Variants in FAM110D observed in about 807,000 individuals in gnomAD.
FAM110D encodes the protein family with sequence similarity 110 member D.
For missense variants in FAM110D, 376 were observed against 395.6 expected, an observed-to-expected ratio of 0.95 and a Z score of 0.42; for synonymous variants, 174 against 189.4, an observed-to-expected ratio of 0.92 and a Z score of 0.67.
At chr1:26,160,532 A>G (rs1316945512) in intron 1 of FAM110D, among the ~76,000 whole-genome samples, 2 of 152,068 alleles carry the variant, frequency 1.3e-5, no homozygotes, top group African/African-American at 4.8e-5. Flanking sequence ...AACTCTCAAT[A>G]GGACCTGAGC....
rs1193137027 is a variant in FAM110D at position 26,163,869 on chromosome 1, G to A, written c.*1762G>A. On this transcript the variant is annotated 3_prime_UTR_variant, in exon 2 of 2. Coordinates refer to ENST00000374268, the MANE Select transcript of FAM110D (RefSeq NM_024869.3). The stretch of plus-strand genomic sequence containing the variant: ...AGTAGGGCCACAGGCACAGTTTGTT[G>A]AATTAAATGAGGCTGGAGAGGGCGA... The A allele has an allele frequency of 3.3e-6, 1 of 306,980 alleles. No individual in the cohort carries two copies. The highest frequency in any genetic ancestry group is 5.5e-5 in the East Asian group (1 of 18,184). 19.0% of individuals were successfully genotyped at this position (306,980 alleles called of 1,614,324 possible).
In FAM110D at chr1:26,161,487, A is replaced by T; in HGVS notation, c.196A>T (p.Thr66Ser). 6.4e-7 allele frequency: 1 copy of T among 1,554,986 alleles called. No homozygotes were observed. Among genetic ancestry groups the T allele is most frequent in the Non-Finnish European group, 8.7e-7 (1 of 1,149,672 alleles). The change falls in exon 2 of 2, where the codon ACG becomes TCG. Residue 66 changes from threonine to serine, a missense_variant. Coordinates refer to ENST00000374268, the MANE Select transcript of FAM110D (RefSeq NM_024869.3). This position sits in a 1 kb window ranked among gnomAD's most constrained non-coding sequence, Gnocchi z 5.4. ...NELGPPASPR[T>S]PRPVRRGSGR... ...GCTGGGGCCCCCTGCATCGCCCAGG[A>T]CGCCCAGGCCGGTCCGCCGGGGAAG...
rs138228058 is a variant in FAM110D, at chr1:26,162,337, G to C, written c.*230G>C. 1,455 of 366,452 alleles carry C rather than the reference G, an allele frequency of 4.0e-3. 6 individuals carry two copies. Among genetic ancestry groups the C allele is most frequent in the Non-Finnish European group, 4.6e-3 (910 of 196,482 alleles). 22.7% of individuals were successfully genotyped at this position (366,452 alleles called of 1,614,324 possible). ...GTGGAGACCCGGTCTGGGGAGTCAC[G>C]ATTGGGGTGGGAGATGAGCAAACCT... On this transcript the variant is annotated 3_prime_UTR_variant, in exon 2 of 2. Transcript: ENST00000374268. The surrounding 1 kb of genome is among the most constrained non-coding windows in gnomAD (Gnocchi z 5.3).
At position 26,161,618 on chromosome 1, in the gene FAM110D, G is replaced by A; in HGVS notation, c.327G>A (p.Arg109=). The A allele has an allele frequency of 6.4e-7, 1 of 1,550,990 alleles. No individual in the cohort carries two copies. Among genetic ancestry groups the A allele is most frequent in the Non-Finnish European group, 8.7e-7 (1 of 1,147,356 alleles). ...ACGCCAAGGGCCAGGGTCTGGTGCG[G>A]CGCCTCTTTCTGGGTGCCCCGCGGG... The part of the protein sequence containing the change: ...KENAKGQGLV[R]RLFLGAPRDA... Residue 109 remains arginine (R), a synonymous_variant, in exon 2 of 2, where the codon CGG becomes CGA. Transcript: ENST00000374268. This position sits in a 1 kb window ranked among gnomAD's most constrained non-coding sequence, Gnocchi z 5.4.
Position 26,161,549 on chromosome 1 carries a change from C to T in FAM110D, c.258C>T (p.Phe86=). ...TGCCGAGGCCTGATTCCCTCATCTT[C>T]TACCGCCAGAAGCGGGACTGCAAGG... ...RRLPRPDSLI[F]YRQKRDCKAS... The change falls in exon 2 of 2, where the codon TTC becomes TTT. Residue 86 remains phenylalanine (F), a synonymous_variant. Coordinates refer to ENST00000374268, the MANE Select transcript of FAM110D (RefSeq NM_024869.3). The surrounding 1 kb of genome is among the most constrained non-coding windows in gnomAD (Gnocchi z 5.4). The T allele has an allele frequency of 6.4e-7, 1 of 1,550,504 alleles. No individual in the cohort carries two copies.
Position 26,163,267 on chromosome 1 carries a change from G to GT in FAM110D, c.*1160_*1161insT, listed in dbSNP as rs2088388943. ...ATCACAGGTTCGCACCTCCAAGCCT[G>GT]CATCCTTCATGCACCTCCTTCCTTT... On this transcript the variant is annotated 3_prime_UTR_variant, in exon 2 of 2. Transcript: ENST00000374268. 6.6e-6 allele frequency: 1 copy of GT among 151,534 alleles called. No individual in the cohort carries two copies. The highest frequency in any genetic ancestry group is 2.4e-5 in the African/African-American group (1 of 41,090). 9.4% of individuals were successfully genotyped at this position (151,534 alleles called of 1,614,324 possible). A position where few individuals can be genotyped will look rare whatever the true frequency, so the allele number is the denominator to read the frequency against.
Position 26,162,276 on chromosome 1 carries a change from C to G in FAM110D, c.*169C>G. On this transcript the variant is annotated 3_prime_UTR_variant, in exon 2 of 2. Coordinates refer to ENST00000374268, the MANE Select transcript of FAM110D (RefSeq NM_024869.3). This position sits in a 1 kb window ranked among gnomAD's most constrained non-coding sequence, Gnocchi z 5.3. ...GCTGCCGAAGGCCCTTCCCTGCTCC[C>G]GCGGCGAAGGGGGAGGGAGAGGCCT... 1 of 422,958 alleles carries G rather than the reference C, an allele frequency of 2.4e-6. No individual in the cohort carries two copies. The highest frequency in any genetic ancestry group is 4.1e-6 in the Non-Finnish European group (1 of 243,414). 26.2% of individuals were successfully genotyped at this position (422,958 alleles called of 1,614,324 possible).
chr1:26,161,317 C>T lies in FAM110D; in HGVS notation c.26C>T (p.Pro9Leu), dbSNP rs867542614. The T allele has an allele frequency of 1.3e-6, 2 of 1,586,498 alleles. No individual in the cohort carries two copies. The highest frequency in any genetic ancestry group is 1.3e-5 in the African/African-American group (1 of 74,246). The stretch of plus-strand genomic sequence containing the variant: ...ATGCTCCTGGCCCCTCCCTCCACCC[C>T]GTCCAGAGGACGGACCCCCAGCGCC... MLLAPPST[P>L]SRGRTPSAVE... Residue 9 changes from proline (P) to leucine (L), a missense_variant, in exon 2 of 2, where the codon CCG becomes CTG. Coordinates refer to ENST00000374268, the MANE Select transcript of FAM110D (RefSeq NM_024869.3). The surrounding 1 kb of genome is among the most constrained non-coding windows in gnomAD (Gnocchi z 5.4).
In FAM110D at chr1:26,161,953, C is replaced by A. The variant is rs1378305881; in HGVS notation, c.662C>A (p.Pro221Gln). 8.8e-6 allele frequency: 11 copies of A among 1,248,268 alleles called. No individual in the cohort carries two copies. The highest frequency in any genetic ancestry group is 1.1e-5 in the Non-Finnish European group (11 of 1,000,952). The allele number at this position is 1,248,268 out of a possible 1,614,324, so 77.3% of individuals were successfully genotyped here. A position where few individuals can be genotyped will look rare whatever the true frequency, so the allele number is the denominator to read the frequency against. ...WTSSDRGVDS[P>Q]GGAGGGGGSE... ...TCCAGCGACAGGGGCGTGGACAGCC[C>A]GGGCGGCGCGGGCGGCGGCGGCGGC... The change falls in exon 2 of 2, where the codon CCG (proline) becomes CAG (glutamine). Residue 221 changes from proline (P) to glutamine (Q), a missense_variant. Physicochemically the swap from Pro to Gln is moderately conservative, Grantham distance 76. Coordinates refer to ENST00000374268, the MANE Select transcript of FAM110D (RefSeq NM_024869.3). This position sits in a 1 kb window ranked among gnomAD's most constrained non-coding sequence, Gnocchi z 5.4.
At position 26,162,697 on chromosome 1, in the gene FAM110D, T is replaced by A. The variant is rs1301312113; in HGVS notation, c.*590T>A. 6.5e-6 allele frequency: 1 copy of A among 152,962 alleles called. No individual in the cohort carries two copies. The highest frequency in any genetic ancestry group is 1.9e-4 in the East Asian group (1 of 5,194). 9.5% of individuals were successfully genotyped at this position (152,962 alleles called of 1,614,324 possible). A position where few individuals can be genotyped will look rare whatever the true frequency, so the allele number is the denominator to read the frequency against. On this transcript the variant is annotated 3_prime_UTR_variant, in exon 2 of 2. Coordinates refer to ENST00000374268, the MANE Select transcript of FAM110D (RefSeq NM_024869.3). This position sits in a 1 kb window ranked among gnomAD's most constrained non-coding sequence, Gnocchi z 5.3. ...GTCGATCCAAACTAGAGCTGGGAGC[T>A]GGGAATAATGCGCTTTGGGAGCCCG...
Position 26,161,737 on chromosome 1 carries a change from G to C in FAM110D, c.446G>C (p.Arg149Pro). 3 of 1,548,166 alleles carry C rather than the reference G, an allele frequency of 1.9e-6. No individual in the cohort carries two copies. The highest frequency in any genetic ancestry group is 2.4e-5 in the South Asian group (2 of 83,864). ...PQDAPEAAGKRALCPTCSLPL... is the reference protein window; with the variant it reads ...PQDAPEAAGKPALCPTCSLPL... ...GATGCCCCGGAAGCGGCGGGAAAGC[G>C]GGCGCTGTGTCCCACGTGCTCGCTG... is the stretch of plus-strand genomic sequence containing the variant. Residue 149 changes from arginine to proline, a missense_variant, in exon 2 of 2, where the codon CGG (arginine) becomes CCG (proline). By Grantham distance (103) the Arg-to-Pro change is moderately radical. Transcript: ENST00000374268. This position sits in a 1 kb window ranked among gnomAD's most constrained non-coding sequence, Gnocchi z 5.4.
chr1:26,160,047 T>TATAG (rs2088347158), intron 1 of FAM110D, among the ~76,000 whole-genome samples: 1 of 152,062 alleles, frequency 6.6e-6, no homozygotes, highest in East Asian at 1.9e-4. Flanking sequence ...TGCTTGGTTT[T>TATAG]ATAGCAGCGG....
In FAM110D at chr1:26,162,578, G is replaced by A. The variant is rs1424672655; in HGVS notation, c.*471G>A. On this transcript the variant is annotated 3_prime_UTR_variant, in exon 2 of 2. Transcript: ENST00000374268. This position sits in a 1 kb window ranked among gnomAD's most constrained non-coding sequence, Gnocchi z 5.3. ...AAATAGTTGTAATGCGCATGGCAAA[G>A]TGCCCAGCATATAGAAAGTGCTCAA... is the stretch of plus-strand genomic sequence containing the variant. 1.8e-5 allele frequency: 3 copies of A among 168,104 alleles called. No individual in the cohort carries two copies. The highest frequency in any genetic ancestry group is 7.2e-5 in the African/African-American group (3 of 41,520). 10.4% of individuals were successfully genotyped at this position (168,104 alleles called of 1,614,324 possible).
chr1:26,161,978 C>G lies in FAM110D; in HGVS notation c.687C>G (p.Gly229=). The G allele has an allele frequency of 8.1e-7, 1 of 1,242,118 alleles. No homozygotes were observed. The highest frequency in any genetic ancestry group is 1.0e-6 in the Non-Finnish European group (1 of 997,718). 76.9% of individuals were successfully genotyped at this position (1,242,118 alleles called of 1,614,324 possible). Residue 229 remains glycine, a synonymous_variant, in exon 2 of 2, where the codon GGC becomes GGG. Coordinates refer to ENST00000374268, the MANE Select transcript of FAM110D (RefSeq NM_024869.3). This position sits in a 1 kb window ranked among gnomAD's most constrained non-coding sequence, Gnocchi z 5.4. ...CGGGCGGCGCGGGCGGCGGCGGCGG[C>G]TCGGAGGCAGCGGGCTCGGCGCGGG... ...DSPGGAGGGG[G]SEAAGSARDR... is the part of the protein sequence containing the mutation.
chr1:26,161,259 T>G lies in FAM110D; in HGVS notation c.-33T>G, dbSNP rs1316544792. ...TGCTCTAGGCCCCGTGGCTGGCTAC[T>G]TATGGGGCACTGTCCTGACCAGCTC... is the stretch of plus-strand genomic sequence containing the variant. On this transcript the variant is annotated 5_prime_UTR_variant, in exon 2 of 2. Coordinates refer to ENST00000374268, the MANE Select transcript of FAM110D (RefSeq NM_024869.3). The surrounding 1 kb of genome is among the most constrained non-coding windows in gnomAD (Gnocchi z 5.4). 6.7e-7 allele frequency: 1 copy of G among 1,493,766 alleles called. No individual in the cohort carries two copies. Among genetic ancestry groups the G allele is most frequent in the Non-Finnish European group, 8.9e-7 (1 of 1,119,072 alleles). The allele number at this position is 1,493,766 out of a possible 1,614,324, so 92.5% of individuals were successfully genotyped here. A position where few individuals can be genotyped will look rare whatever the true frequency, so the allele number is the denominator to read the frequency against.
chr1:26,162,091 G>A lies in FAM110D; in HGVS notation c.800G>A (p.Arg267His), dbSNP rs1445951361. 26 of 1,270,956 alleles carry A rather than the reference G, an allele frequency of 2.0e-5. No homozygotes were observed. Among genetic ancestry groups the A allele is most frequent in the South Asian group, 2.9e-5 (1 of 34,624 alleles). The allele number at this position is 1,270,956 out of a possible 1,614,324, so 78.7% of individuals were successfully genotyped here. A position where few individuals can be genotyped will look rare whatever the true frequency, so the allele number is the denominator to read the frequency against. ...YGCQRARGPP[R>H]ESEV ...TGCCAGCGCGCCCGCGGACCGCCGC[G>A]CGAGTCCGAGGTGTGACCGCCGCGG... The change falls in exon 2 of 2, where the codon CGC becomes CAC. Residue 267 changes from arginine to histidine, a missense_variant. Transcript: ENST00000374268. The surrounding 1 kb of genome is among the most constrained non-coding windows in gnomAD (Gnocchi z 5.3).
At position 26,162,264 on chromosome 1, in the gene FAM110D, C is replaced by T. The variant is rs2088378016; in HGVS notation, c.*157C>T. On this transcript the variant is annotated 3_prime_UTR_variant, in exon 2 of 2. Coordinates refer to ENST00000374268, the MANE Select transcript of FAM110D (RefSeq NM_024869.3). This position sits in a 1 kb window ranked among gnomAD's most constrained non-coding sequence, Gnocchi z 5.3. ...GTGGAACAAGTTGCTGCCGAAGGCC[C>T]TTCCCTGCTCCCGCGGCGAAGGGGG... is the stretch of plus-strand genomic sequence containing the variant. 6 of 450,896 alleles carry T rather than the reference C, an allele frequency of 1.3e-5. No homozygotes were observed. Among genetic ancestry groups the T allele is most frequent in the Non-Finnish European group, 2.2e-5 (6 of 269,020 alleles). The allele number at this position is 450,896 out of a possible 1,614,324, so 27.9% of individuals were successfully genotyped here.
Position 26,161,216 on chromosome 1 carries a change from G to A in FAM110D, c.-76G>A. The stretch of plus-strand genomic sequence containing the variant: ...GACCTTCCTCTCTCCCTGCAGGTCA[G>A]TGAGAGCCCAAGCCAATTGCTCTAG... On this transcript the variant is annotated 5_prime_UTR_variant, in exon 2 of 2. In the 5' UTR this introduces an upstream ATG that the reference lacks. Coordinates refer to ENST00000374268, the MANE Select transcript of FAM110D (RefSeq NM_024869.3). This position sits in a 1 kb window ranked among gnomAD's most constrained non-coding sequence, Gnocchi z 5.4. 7.1e-7 allele frequency: 1 copy of A among 1,398,714 alleles called. No homozygotes were observed. Among genetic ancestry groups the A allele is most frequent in the Non-Finnish European group, 9.5e-7 (1 of 1,050,044 alleles). 86.6% of individuals were successfully genotyped at this position (1,398,714 alleles called of 1,614,324 possible). A position where few individuals can be genotyped will look rare whatever the true frequency, so the allele number is the denominator to read the frequency against.
In FAM110D at chr1:26,161,229, C is replaced by A; in HGVS notation, c.-63C>A. On this transcript the variant is annotated 5_prime_UTR_variant, in exon 2 of 2. Coordinates refer to ENST00000374268, the MANE Select transcript of FAM110D (RefSeq NM_024869.3). This position sits in a 1 kb window ranked among gnomAD's most constrained non-coding sequence, Gnocchi z 5.4. ...CCCTGCAGGTCAGTGAGAGCCCAAG[C>A]CAATTGCTCTAGGCCCCGTGGCTGG... 2 of 1,437,474 alleles carry A rather than the reference C, an allele frequency of 1.4e-6. No individual in the cohort carries two copies. The highest frequency in any genetic ancestry group is 1.8e-6 in the Non-Finnish European group (2 of 1,082,800). The allele number at this position is 1,437,474 out of a possible 1,614,324, so 89.0% of individuals were successfully genotyped here.
Sources: gnomAD v4.1 joint callset for allele counts (sites outside exome capture counted in the v4.1 genomes callset) on GRCh38, gnomAD v4.1.1 for gene constraint, Gnocchi (gnomAD v3.1) non-coding constraint, MANE v1.5 for transcripts, NCBI Gene and HGNC (gene_info 2026-07-23, HGNC 2026-07-21) for gene names.